ALPK1: variants seen among roughly 807,000 people sequenced by gnomAD.
ALPK1 encodes alpha-protein kinase 1.
Under a neutral mutation model 120.6 loss-of-function variants are expected in ALPK1, and 110 were observed. The ratio of observed to expected loss-of-function variants is 0.91; its 90% CI spans 0.78 to 1.07. The LOEUF is 1.07. Among genes scored for constraint, ALPK1 ranks in the 50% least tolerant of loss-of-function variants. ALPK1 has a pLI of 0.00. For synonymous variants in ALPK1, 582 were observed against 560.3 expected (o/e 1.04, Z -0.55); for missense variants, 1,498 against 1,483.9 (o/e 1.01, Z -0.16).
intron 2 of ALPK1, among the ~76,000 whole-genome samples, chr4:112,377,023 G>A (rs1219727796): frequency 1.3e-5 from 2 of 151,946 alleles, no homozygotes; most frequent in Admixed American, 1.3e-4. Context: ...ACTAATATTT[G>A]CATAAGAAAT....
chr4:112,431,116 G>A lies in ALPK1; in HGVS notation c.1569G>A (p.Met523Ile), dbSNP rs34815402. Reference sequence around the variant, plus strand: ...ACACAGGAATATCTTCCTCCCTAATGGGTAAGAATGTTCAGAGGGAACTCA... The same window carrying A: ...ACACAGGAATATCTTCCTCCCTAATAGGTAAGAATGTTCAGAGGGAACTCA... ...QRDTGISSSLMGKNVQRELRR... is the reference protein window; with the variant it reads ...QRDTGISSSLIGKNVQRELRR... Residue 523 changes from methionine (M) to isoleucine (I), a missense_variant, in exon 11 of 16, where the codon ATG becomes ATA. Coordinates refer to ENST00000650871, the MANE Select transcript of ALPK1 (RefSeq NM_025144.4). 2.6e-3 allele frequency: 4,192 copies of A among 1,614,178 alleles called. 5 individuals carry two copies. Among genetic ancestry groups the A allele is most frequent in the Non-Finnish European group, 3.2e-3 (3,826 of 1,180,042 alleles).
intron 2 of ALPK1, among the ~76,000 whole-genome samples, chr4:112,349,509 T>A (rs1050682680): frequency 9.9e-5 from 15 of 150,928 alleles, no homozygotes; most frequent in Non-Finnish European, 2.2e-4. Flanking sequence ...TTGATGCTTA[T>A]AAAACTGTGA....
At chr4:112,411,786 CG>C (rs1478431655) in intron 4 of ALPK1, 40 bp from the exon 5 acceptor site, 1 of 1,564,062 alleles carries the variant, frequency 6.4e-7, no homozygotes, top group South Asian at 1.2e-5. Context: ...AGCCTGCCAG[CG>C]TTTCCGCCTG....
Position 112,431,699 on chromosome 4 carries a change from C to T in ALPK1, c.2152C>T (p.Arg718Cys), listed in dbSNP as rs771984525. The change falls in exon 11 of 16, where the codon CGT becomes TGT. Residue 718 changes from arginine to cysteine, a missense_variant. By Grantham distance (180) the Arg-to-Cys change is radical. Coordinates refer to ENST00000650871, the MANE Select transcript of ALPK1 (RefSeq NM_025144.4). ...TTCTGCTCACTCCAGACCCTCATAT[C>T]GTTCTGCTTCTTGGTCTTCTGATTC... ...NTSAHSRPSY[R>C]SASWSSDSGR... 1.7e-5 allele frequency: 28 copies of T among 1,614,092 alleles called. No homozygotes were observed. The highest frequency in any genetic ancestry group is 6.7e-5 in the East Asian group (3 of 44,888).
intron 4 of ALPK1, among the ~76,000 whole-genome samples, chr4:112,401,174 A>G (rs1474520807): frequency 6.6e-6 from 1 of 152,210 alleles, no homozygotes; most frequent in Non-Finnish European, 1.5e-5. Flanking sequence ...CAGTAAGCAT[A>G]GTTGGCCTTT....
Position 112,441,375 on chromosome 4 carries a change from G to T in ALPK1, c.*165G>T, listed in dbSNP as rs528636846. ...CCCTCTGCCACAGTTATCAAGAATGGGTCAGGAGACCGCTGCTTCTGGGCA... is the reference window on the plus strand; with the variant it reads ...CCCTCTGCCACAGTTATCAAGAATGTGTCAGGAGACCGCTGCTTCTGGGCA... On this transcript the variant is annotated 3_prime_UTR_variant, in exon 16 of 16. Transcript: ENST00000650871. 5.7e-6 allele frequency: 4 copies of T among 705,920 alleles called. No individual in the cohort carries two copies. The South Asian group carries it at 6.5e-5, about 11-fold the overall frequency. 43.7% of individuals were successfully genotyped at this position (705,920 alleles called of 1,614,324 possible). A position where few individuals can be genotyped will look rare whatever the true frequency, so the allele number is the denominator to read the frequency against.
At chr4:112,312,178 T>C (rs1020743882) in intron 1 of ALPK1, among the ~76,000 whole-genome samples, 12 of 152,232 alleles carry the variant, frequency 7.9e-5, no homozygotes, top group African/African-American at 2.4e-4. Flanking sequence ...AGTAGGATCA[T>C]AGATAATTCT....
intron 2 of ALPK1, among the ~76,000 whole-genome samples, chr4:112,350,578 C>A (rs1038542275): frequency 6.6e-6 from 1 of 152,226 alleles, no homozygotes; most frequent in African/African-American, 2.4e-5. Flanking sequence ...TAAACTATTT[C>A]TCTTCCACCA....
At chr4:112,397,881 A>G (rs1259255299) in intron 4 of ALPK1, among the ~76,000 whole-genome samples, 1 of 152,150 alleles carries the variant, frequency 6.6e-6, no homozygotes, top group Non-Finnish European at 1.5e-5. Flanking sequence ...GTGAATCTTT[A>G]TTTAGATCCA....
chr4:112,309,399 A>G (rs576169530), intron 1 of ALPK1, among the ~76,000 whole-genome samples: 1 of 152,228 alleles, frequency 6.6e-6, no homozygotes, highest in African/African-American at 2.4e-5. Flanking sequence ...GCTCCACCCA[A>G]TTTGAGCTTC....
intron 2 of ALPK1, among the ~76,000 whole-genome samples, chr4:112,322,439 C>G (rs1476748825): frequency 6.6e-6 from 1 of 152,134 alleles, no homozygotes; most frequent in Non-Finnish European, 1.5e-5. Context: ...AAGCAATGCA[C>G]AGGATTAATC....
intron 1 of ALPK1, among the ~76,000 whole-genome samples, chr4:112,297,740 G>T (rs1385087812): frequency 6.6e-6 from 1 of 151,848 alleles, no homozygotes; most frequent in African/African-American, 2.4e-5. Context: ...AAGGGGAGAA[G>T]GCAAACCAGT....
At chr4:112,323,551 G>A (rs1299341409) in intron 2 of ALPK1, among the ~76,000 whole-genome samples, 1 of 152,052 alleles carries the variant, frequency 6.6e-6, no homozygotes, top group African/African-American at 2.4e-5. Context: ...TTTTTGAAAA[G>A]CATGGAATTG....
In ALPK1 at chr4:112,441,232, T is replaced by C. The variant is rs750296050; in HGVS notation, c.*22T>C. 6.3e-5 allele frequency: 95 copies of C among 1,517,656 alleles called. No homozygotes were observed. Among genetic ancestry groups the C allele is most frequent in the Middle Eastern group, 1.7e-4 (1 of 5,912 alleles). 94.0% of individuals were successfully genotyped at this position (1,517,656 alleles called of 1,614,324 possible). ...ATAGAATACGGCACAGTCTGGTCCT[T>C]TGGGGCTTGGGCAGGGCCGTGACAC... On this transcript the variant is annotated 3_prime_UTR_variant, in exon 16 of 16. Coordinates refer to ENST00000650871, the MANE Select transcript of ALPK1 (RefSeq NM_025144.4).
rs145480075 is a variant in ALPK1 at position 112,299,615 on chromosome 4, A to G, written c.-153+2146A>G. 2.1e-3 allele frequency among the ~76,000 whole-genome samples: 325 copies of G among 152,248 alleles called. No individual in the cohort carries two copies. The Middle Eastern group carries it at 0.034, about 16-fold the overall frequency. The stretch of plus-strand genomic sequence containing the variant: ...CTACACTAATGCATTTGAGAAGTGG[A>G]TATTTTCTTAGCCAGTGCAGTATCT... On this transcript the variant is annotated intron_variant, in intron 1 of 15. Coordinates refer to ENST00000650871, the MANE Select transcript of ALPK1 (RefSeq NM_025144.4).
At position 112,439,718 on chromosome 4, in the gene ALPK1, C is replaced by T. The variant is rs2148768251; in HGVS notation, c.3384C>T (p.Ile1128=). 6.2e-7 allele frequency: 1 copy of T among 1,609,452 alleles called. No homozygotes were observed. Among genetic ancestry groups the T allele is most frequent in the Non-Finnish European group, 8.5e-7 (1 of 1,178,568 alleles). ...AGGACAAGACAATAAAGGGATGTAT[C>T]AGTGTGGAGCCTTACATACTGGGAG... ...ILEDKTIKGC[I]SVEPYILGEF... Residue 1128 remains isoleucine, a synonymous_variant, in exon 14 of 16, where the codon ATC becomes ATT. Transcript: ENST00000650871.
chr4:112,402,195 T>C (rs1295593689), intron 4 of ALPK1, among the ~76,000 whole-genome samples: 4 of 152,256 alleles, frequency 2.6e-5, no homozygotes, highest in African/African-American at 7.2e-5. Context: ...CAATTTGTTA[T>C]GCAGCAATAA....
At chr4:112,382,605 G>T in intron 4 of ALPK1, 53 bp downstream of exon 4, 1 of 1,612,926 alleles carries the variant, frequency 6.2e-7, no homozygotes, top group South Asian at 1.1e-5. Context: ...GAGGCATTTA[G>T]ACTCTAAGTG....
chr4:112,304,850 C>A (rs1287279339), intron 1 of ALPK1, among the ~76,000 whole-genome samples: 2 of 152,024 alleles, frequency 1.3e-5, no homozygotes, highest in Non-Finnish European at 2.9e-5. Flanking sequence ...ATGGTAATGC[C>A]TAGGTTTTCT....
Sources: gnomAD v4.1 joint callset for allele counts (sites outside exome capture counted in the v4.1 genomes callset) on GRCh38, gnomAD v4.1.1 for gene constraint, MANE v1.5 for transcripts, NCBI Gene and HGNC (gene_info 2026-07-23, HGNC 2026-07-21) for gene names.